The following LTB4R variants were observed in gnomAD, a reference collection of about 807,000 sequenced individuals.
LTB4R encodes leukotriene B4 receptor 1.
For missense variants in LTB4R, 470 were observed against 485.6 expected (o/e 0.97, Z 0.30); for synonymous variants, 250 against 230.7 (o/e 1.08, Z -0.76).
chr14:24,315,487 G>A (rs1289348271), intron 1 of LTB4R, 150 bp from the exon 2 acceptor site: 8 of 605,646 alleles, frequency 1.3e-5, no homozygotes, highest in Non-Finnish European at 2.3e-5. Context: ...TAAGTTGTCA[G>A]TCTGCAGCGA....
At position 24,316,224 on chromosome 14, in the gene LTB4R, G is replaced by C. The variant is rs2041768956; in HGVS notation, c.573G>C (p.Leu191=). ...HLIFEAVTGF[L]LPFLAVVASY... ...TCTTCGAGGCTGTCACGGGCTTCCT[G>C]CTGCCCTTCCTGGCTGTGGTGGCCA... Residue 191 remains leucine (L), a synonymous_variant, in exon 2 of 2, where the codon CTG becomes CTC. Transcript: ENST00000345363. 1 of 1,613,628 alleles carries C rather than the reference G, an allele frequency of 6.2e-7. No individual in the cohort carries two copies. The highest frequency in any genetic ancestry group is 2.2e-5 in the East Asian group (1 of 44,882).
At position 24,315,897 on chromosome 14, in the gene LTB4R, C is replaced by G. The variant is rs1445449547; in HGVS notation, c.246C>G (p.Thr82=). 6.2e-7 allele frequency: 1 copy of G among 1,614,186 alleles called. No individual in the cohort carries two copies. ...TCCTTCACTTCCTGGCCCAAGGCAC[C>G]TGGAGTTTTGGACTGGCTGGTTGCC... The part of the protein sequence containing the change: ...PFFLHFLAQG[T]WSFGLAGCRL... The change falls in exon 2 of 2, where the codon ACC becomes ACG. Residue 82 remains threonine, a synonymous_variant. Coordinates refer to ENST00000345363, the MANE Select transcript of LTB4R (RefSeq NM_001143919.3).
At chr14:24,315,219 G>A (rs1366156957) in intron 1 of LTB4R, among the ~76,000 whole-genome samples, 2 of 152,216 alleles carry the variant, frequency 1.3e-5, no homozygotes, top group Non-Finnish European at 2.9e-5. Flanking sequence ...ACAGTAGGCA[G>A]GTGATTGGGA....
intron 1 of LTB4R, 38 bp downstream of exon 1, chr14:24,311,842 T>A: frequency 9.0e-7 from 1 of 1,110,682 alleles, no homozygotes; most frequent in Non-Finnish European, 1.3e-6. Context: ...CTTCTTTGAC[T>A]AGAGTTTGGA....
rs1306223195 is a variant in LTB4R, at chr14:24,316,295, G to C, written c.644G>C (p.Arg215Pro). 1.2e-5 allele frequency: 20 copies of C among 1,602,570 alleles called. No individual in the cohort carries two copies. The highest frequency in any genetic ancestry group is 1.6e-5 in the Non-Finnish European group (19 of 1,175,800). Residue 215 changes from arginine (R) to proline (P), a missense_variant, in exon 2 of 2, where the codon CGC becomes CCC. Arg to Pro is a moderately radical substitution (Grantham distance 103). Coordinates refer to ENST00000345363, the MANE Select transcript of LTB4R (RefSeq NM_001143919.3). Reference protein sequence around the residue: ...GRRLQARRFRRSRRTGRLVVL... With the variant: ...GRRLQARRFRPSRRTGRLVVL... ...CGGCTACAGGCCCGGCGCTTCCGCCGCAGCCGCCGCACCGGCCGCCTGGTG... is the reference window on the plus strand; with the variant it reads ...CGGCTACAGGCCCGGCGCTTCCGCCCCAGCCGCCGCACCGGCCGCCTGGTG...
chr14:24,315,762 C>T lies in LTB4R; in HGVS notation c.111C>T (p.Ser37=). 2.5e-6 allele frequency: 4 copies of T among 1,614,208 alleles called. No individual in the cohort carries two copies. The highest frequency in any genetic ancestry group is 3.4e-6 in the Non-Finnish European group (4 of 1,180,032). ...TGGCTGTGGGGCTTCCCGGCAACAG[C>T]TTTGTGGTGTGGAGTATCCTGAAAA... The part of the protein sequence containing the change: ...VALAVGLPGN[S]FVVWSILKRM... The change falls in exon 2 of 2, where the codon AGC becomes AGT. Residue 37 remains serine (S), a synonymous_variant. Coordinates refer to ENST00000345363, the MANE Select transcript of LTB4R (RefSeq NM_001143919.3).
chr14:24,317,272 TAA>T lies in LTB4R; in HGVS notation c.*563_*564del, dbSNP rs1247781222. 1 of 167,234 alleles carries T rather than the reference TAA, an allele frequency of 6.0e-6. No individual in the cohort carries two copies. The highest frequency in any genetic ancestry group is 1.5e-5 in the Non-Finnish European group (1 of 68,198). The allele number at this position is 167,234 out of a possible 1,614,324, so 10.4% of individuals were successfully genotyped here. The stretch of plus-strand genomic sequence containing the variant: ...GAAATATCTTCCTTGAAGCCTGTGA[TAA>T]GTCTCCTTGTTAGAATGACTCCAAC... On this transcript the variant is annotated 3_prime_UTR_variant, in exon 2 of 2. Coordinates refer to ENST00000345363, the MANE Select transcript of LTB4R (RefSeq NM_001143919.3).
In LTB4R at chr14:24,315,979, G is replaced by T. The variant is rs777822890; in HGVS notation, c.328G>T (p.Ala110Ser). ...GTACGCCAGCGTCCTGCTTATCACG[G>T]CCATGAGTCTAGACCGCTCACTGGC... ...SMYASVLLIT[A>S]MSLDRSLAVA... Residue 110 changes from alanine (A) to serine (S), a missense_variant, in exon 2 of 2, where the codon GCC becomes TCC. Ala to Ser is a moderately conservative substitution (Grantham distance 99, BLOSUM62 1). Transcript: ENST00000345363. 6.2e-7 allele frequency: 1 copy of T among 1,614,028 alleles called. No homozygotes were observed. Among genetic ancestry groups the T allele is most frequent in the South Asian group, 1.1e-5 (1 of 91,092 alleles).
chr14:24,312,695 C>T (rs1287543514), intron 1 of LTB4R, among the ~76,000 whole-genome samples: 1 of 152,194 alleles, frequency 6.6e-6, no homozygotes, highest in Non-Finnish European at 1.5e-5. Flanking sequence ...TACTTCTCTG[C>T]CCCCACCTTT....
Position 24,311,641 on chromosome 14 carries a change from A to G in LTB4R, c.-179A>G, listed in dbSNP as rs889727160. 27 of 1,613,330 alleles carry G rather than the reference A, an allele frequency of 1.7e-5. No individual in the cohort carries two copies. Among genetic ancestry groups the G allele is most frequent in the Non-Finnish European group, 2.3e-5 (27 of 1,179,862 alleles). Reference sequence around the variant, plus strand: ...GGCCGCTCTAGGGAAGGGACCATGGAGCTCCGAACTACCCCTCAGCTGAAA... The same window carrying G: ...GGCCGCTCTAGGGAAGGGACCATGGGGCTCCGAACTACCCCTCAGCTGAAA... On this transcript the variant is annotated 5_prime_UTR_variant, in exon 1 of 2. Transcript: ENST00000345363.
chr14:24,316,057 C>A lies in LTB4R; in HGVS notation c.406C>A (p.Arg136=), dbSNP rs2041766428. The A allele has an allele frequency of 6.2e-7, 1 of 1,613,248 alleles. No homozygotes were observed. Among genetic ancestry groups the A allele is most frequent in the Non-Finnish European group, 8.5e-7 (1 of 1,179,996 alleles). Residue 136 remains arginine (R), a synonymous_variant, in exon 2 of 2, where the codon CGG becomes AGG. Coordinates refer to ENST00000345363, the MANE Select transcript of LTB4R (RefSeq NM_001143919.3). ...QKLRTKAMAR[R]VLAGIWVLSF... ...GCTACGCACCAAGGCGATGGCCCGG[C>A]GGGTGCTGGCAGGCATCTGGGTGTT...
Position 24,316,880 on chromosome 14 carries a change from A to G in LTB4R, c.*170A>G. ...TGGAGCAAAGTGAGGGCCGAGTGAGAGCGTGCTCCAGCCTGGCTCCCACAG... is the reference window on the plus strand; with the variant it reads ...TGGAGCAAAGTGAGGGCCGAGTGAGGGCGTGCTCCAGCCTGGCTCCCACAG... On this transcript the variant is annotated 3_prime_UTR_variant, in exon 2 of 2. Transcript: ENST00000345363. 3.8e-6 allele frequency: 2 copies of G among 523,994 alleles called. No homozygotes were observed. Among genetic ancestry groups the G allele is most frequent in the Admixed American group, 8.7e-5 (2 of 23,084 alleles). The allele number at this position is 523,994 out of a possible 1,614,324, so 32.5% of individuals were successfully genotyped here. A position where few individuals can be genotyped will look rare whatever the true frequency, so the allele number is the denominator to read the frequency against.
rs1324303976 is a variant in LTB4R at position 24,316,464 on chromosome 14, C to A, written c.813C>A (p.Ile271=). The change falls in exon 2 of 2, where the codon ATC becomes ATA. Residue 271 remains isoleucine (I), a synonymous_variant. Transcript: ENST00000345363. The stretch of plus-strand genomic sequence containing the variant: ...TGAGCCTGGCCCGCAACGTGCTCAT[C>A]GCACTCGCCTTCCTGAGCAGCAGCG... ...KRLSLARNVL[I]ALAFLSSSVN... The A allele has an allele frequency of 6.4e-7, 1 of 1,564,250 alleles. No individual in the cohort carries two copies. Among genetic ancestry groups the A allele is most frequent in the Admixed American group, 1.9e-5 (1 of 52,720 alleles).
At position 24,311,766 on chromosome 14, in the gene LTB4R, C is replaced by G. The variant is rs769046751; in HGVS notation, c.-54C>G. On this transcript the variant is annotated 5_prime_UTR_variant, in exon 1 of 2. Coordinates refer to ENST00000345363, the MANE Select transcript of LTB4R (RefSeq NM_001143919.3). The stretch of plus-strand genomic sequence containing the variant: ...ACAGCAGACCCTACAACCTGCTGCC[C>G]TTCCCTGTCCCTTTCCACCCCCCAC... 1 of 1,516,474 alleles carries G rather than the reference C, an allele frequency of 6.6e-7. No individual in the cohort carries two copies. The highest frequency in any genetic ancestry group is 1.3e-5 in the South Asian group (1 of 78,126). 93.9% of individuals were successfully genotyped at this position (1,516,474 alleles called of 1,614,324 possible).
intron 1 of LTB4R, chr14:24,312,047 C>G (rs2041720188): frequency 5.7e-6 from 2 of 348,156 alleles, no homozygotes; most frequent in South Asian, 1.4e-4. Flanking sequence ...TAGATGATGA[C>G]TTAAGTGTGC....
At position 24,316,673 on chromosome 14, in the gene LTB4R, C is replaced by T; in HGVS notation, c.1022C>T (p.Thr341Ile). 3 of 1,541,262 alleles carry T rather than the reference C, an allele frequency of 1.9e-6. No individual in the cohort carries two copies. The highest frequency in any genetic ancestry group is 2.6e-6 in the Non-Finnish European group (3 of 1,144,464). ...ALEPGPSESL[T>I]ASSPLKLNEL... ...GAGCCCGGCCCTTCCGAGAGCCTCA[C>T]TGCCTCCAGCCCTCTCAAGTTAAAC... The change falls in exon 2 of 2, where the codon ACT becomes ATT. Residue 341 changes from threonine (T) to isoleucine (I), a missense_variant. Coordinates refer to ENST00000345363, the MANE Select transcript of LTB4R (RefSeq NM_001143919.3).
chr14:24,316,964 A>T lies in LTB4R; in HGVS notation c.*254A>T. 2.5e-6 allele frequency: 1 copy of T among 402,232 alleles called. No individual in the cohort carries two copies. The allele number at this position is 402,232 out of a possible 1,614,324, so 24.9% of individuals were successfully genotyped here. ...TTGGTCAACCTTGTGAGTGGGGTAC[A>T]TGTGCTGTGGGTATCGGGGTGCTCG... is the stretch of plus-strand genomic sequence containing the variant. On this transcript the variant is annotated 3_prime_UTR_variant, in exon 2 of 2. Coordinates refer to ENST00000345363, the MANE Select transcript of LTB4R (RefSeq NM_001143919.3).
Position 24,315,841 on chromosome 14 carries a change from G to C in LTB4R, c.190G>C (p.Asp64His), listed in dbSNP as rs1338061901. 1 of 1,614,212 alleles carries C rather than the reference G, an allele frequency of 6.2e-7. No individual in the cohort carries two copies. ...GATGGTGCTGAACCTGGCCCTGGCCGACCTGGCCGTATTGCTCACTGCTCC... is the reference window on the plus strand; with the variant it reads ...GATGGTGCTGAACCTGGCCCTGGCCCACCTGGCCGTATTGCTCACTGCTCC... ...ALMVLNLALA[D>H]LAVLLTAPFF... Residue 64 changes from aspartate to histidine, a missense_variant, in exon 2 of 2, where the codon GAC becomes CAC. Coordinates refer to ENST00000345363, the MANE Select transcript of LTB4R (RefSeq NM_001143919.3).
intron 1 of LTB4R, chr14:24,315,126 G>A (rs1250469105): frequency 6.5e-6 from 1 of 154,758 alleles, no homozygotes; most frequent in Non-Finnish European, 1.4e-5. Context: ...AGCGTAAAAA[G>A]TTGGGAGGCT....
Sources: gnomAD v4.1 joint callset for allele counts (sites outside exome capture counted in the v4.1 genomes callset) on GRCh38, gnomAD v4.1.1 for gene constraint, MANE v1.5 for transcripts, NCBI Gene and HGNC (gene_info 2026-07-23, HGNC 2026-07-21) for gene names.